The following KCTD3 variants were observed in gnomAD, a reference collection of about 807,000 sequenced individuals.
KCTD3 encodes the protein potassium channel tetramerization domain containing 3, also known as BTB/POZ domain-containing protein KCTD3.
KCTD3 carries 41 observed loss-of-function variants against 85.8 expected under a neutral mutation model. The observed-to-expected ratio is 0.48, with a 90% CI of 0.37 to 0.62. The LOEUF (loss-of-function observed/expected upper bound fraction) is 0.62. Ranked by LOEUF, KCTD3 falls within the 20% of genes least tolerant of loss-of-function variation. The pLI is 0.00. For synonymous variants in KCTD3, 338 were observed against 345.4 expected (o/e 0.98, Z 0.24); for missense variants, 724 against 989.9 (o/e 0.73, Z 3.60).
intron 10 of KCTD3, among the ~76,000 whole-genome samples, chr1:215,598,610 A>T (rs1174753548): frequency 6.6e-6 from 1 of 152,204 alleles, no homozygotes; most frequent in Non-Finnish European, 1.5e-5. Context: ...ATTGGAAATA[A>T]TGGAACAATT....
intron 9 of KCTD3, among the ~76,000 whole-genome samples, chr1:215,590,994 A>AG (rs1316365729): frequency 6.6e-6 from 1 of 152,316 alleles, no homozygotes; most frequent in East Asian, 1.9e-4. Flanking sequence ...GTACTTTGTT[A>AG]GGAGTAGGTA....
intron 9 of KCTD3, among the ~76,000 whole-genome samples, chr1:215,590,879 T>G (rs1238749815): frequency 6.6e-6 from 1 of 152,184 alleles, no homozygotes; most frequent in Non-Finnish European, 1.5e-5. Context: ...GTGTGATACA[T>G]TTTGTAGGGT....
rs1214819227 is a variant in KCTD3 at position 215,579,040 on chromosome 1, T to C, written c.438T>C (p.Ala146=). The part of the protein sequence containing the change: ...SRKINNTVRS[A]DSRNGLNSTE... The stretch of plus-strand genomic sequence containing the variant: ...AAATAAACAACACAGTCAGATCTGC[T>C]GATTCTAGGAATGGTCTAAATTCTA... Residue 146 remains alanine, a synonymous_variant, in exon 7 of 18, where the codon GCT becomes GCC. Transcript: ENST00000259154. 1.9e-6 allele frequency: 3 copies of C among 1,576,402 alleles called. No individual in the cohort carries two copies. Among genetic ancestry groups the C allele is most frequent in the East Asian group, 2.3e-5 (1 of 42,756 alleles).
At chr1:215,616,158 T>A (rs1655440603) in intron 15 of KCTD3, among the ~76,000 whole-genome samples, 1 of 152,192 alleles carries the variant, frequency 6.6e-6, no homozygotes. Flanking sequence ...AGAGAGAAAC[T>A]TTGCTTCTGA....
At chr1:215,604,843 A>G (rs1402109595) in intron 13 of KCTD3, among the ~76,000 whole-genome samples, 9 of 152,012 alleles carry the variant, frequency 5.9e-5, no homozygotes, top group Non-Finnish European at 1.3e-4. Flanking sequence ...CATCTCAAAA[A>G]TAATAAAAAT....
intron 1 of KCTD3, 129 bp downstream of exon 1, chr1:215,567,897 G>T (rs946694319): frequency 5.4e-6 from 3 of 554,314 alleles, no homozygotes; most frequent in Non-Finnish European, 8.1e-6. Flanking sequence ...GAACGTGGGG[G>T]CCTCCAGGCG....
intron 13 of KCTD3, among the ~76,000 whole-genome samples, chr1:215,607,747 CATT>C (rs1255562457): frequency 6.6e-6 from 1 of 151,984 alleles, no homozygotes; most frequent in Non-Finnish European, 1.5e-5. Flanking sequence ...CTTACACACA[CATT>C]ATTTTTAACC....
chr1:215,599,910 A>AT (rs1409758265), intron 10 of KCTD3, among the ~76,000 whole-genome samples: 1 of 151,632 alleles, frequency 6.6e-6, no homozygotes, highest in Non-Finnish European at 1.5e-5. Context: ...AAAAAAAAAA[A>AT]GAATGTATCC....
chr1:215,574,617 G>C (rs1403574537), intron 3 of KCTD3, among the ~76,000 whole-genome samples: 1 of 152,140 alleles, frequency 6.6e-6, no homozygotes, highest in East Asian at 1.9e-4. Flanking sequence ...GTGACCAATG[G>C]TATTTATTTG....
chr1:215,613,889 T>C (rs1282426354), intron 15 of KCTD3, among the ~76,000 whole-genome samples: 1 of 152,068 alleles, frequency 6.6e-6, no homozygotes, highest in Non-Finnish European at 1.5e-5. Context: ...CATGCTGTTT[T>C]GGTTATTGTA....
At chr1:215,580,919 A>G in intron 8 of KCTD3, 1 of 461,124 alleles carries the variant, frequency 2.2e-6, no homozygotes, top group Non-Finnish European at 4.5e-6. Context: ...CAGTAATCTC[A>G]GGTTTATATT....
chr1:215,598,043 G>T (rs1654674868), intron 10 of KCTD3, among the ~76,000 whole-genome samples: 1 of 151,854 alleles, frequency 6.6e-6, no homozygotes, highest in Admixed American at 6.6e-5. Context: ...TTGAAACAAT[G>T]TATATTGTTT....
Position 215,604,349 on chromosome 1 carries a change from A to C in KCTD3, c.1309+47A>C, listed in dbSNP as rs756705332. The C allele has an allele frequency of 5.3e-5, 77 of 1,440,854 alleles. 1 individual carries two copies. The highest frequency in any genetic ancestry group is 1.8e-4 in the Middle Eastern group (1 of 5,624). The allele number at this position is 1,440,854 out of a possible 1,614,324, so 89.3% of individuals were successfully genotyped here. ...GGTAAGGAACTTGGCTCTGTGTGTTATTTTCATTAAAAGAATGAAAACGCA... is the reference window on the plus strand; with the variant it reads ...GGTAAGGAACTTGGCTCTGTGTGTTCTTTTCATTAAAAGAATGAAAACGCA... On this transcript the variant is annotated intron_variant, in intron 13 of 17. Coordinates refer to ENST00000259154, the MANE Select transcript of KCTD3 (RefSeq NM_016121.5).
chr1:215,582,279 T>G (rs1334315820), intron 8 of KCTD3, among the ~76,000 whole-genome samples: 1 of 152,226 alleles, frequency 6.6e-6, no homozygotes, highest in African/African-American at 2.4e-5. Flanking sequence ...TGGATCTGTT[T>G]TTCAGTTCTC....
intron 9 of KCTD3, among the ~76,000 whole-genome samples, chr1:215,594,871 A>G (rs1489670243): frequency 6.6e-6 from 1 of 152,064 alleles, no homozygotes; most frequent in Non-Finnish European, 1.5e-5. Flanking sequence ...GCTTATTTCC[A>G]GAATTTAGAC....
chr1:215,570,848 T>C (rs888696823), intron 1 of KCTD3, among the ~76,000 whole-genome samples: 1 of 152,172 alleles, frequency 6.6e-6, no homozygotes, highest in African/African-American at 2.4e-5. Flanking sequence ...ACACTATGGG[T>C]ATGGGATAAA....
intron 9 of KCTD3, among the ~76,000 whole-genome samples, chr1:215,595,051 T>C (rs376305384): frequency 6.6e-6 from 1 of 152,144 alleles, no homozygotes; most frequent in South Asian, 2.1e-4. Context: ...TTGTTTTGTT[T>C]TGTTTATTTT....
chr1:215,575,001 C>G (rs953392075), intron 3 of KCTD3, among the ~76,000 whole-genome samples: 9 of 152,060 alleles, frequency 5.9e-5, no homozygotes, highest in African/African-American at 2.2e-4. Flanking sequence ...CCTGTAATTC[C>G]AGCACTTTAG....
At chr1:215,607,327 T>C (rs1655067067) in intron 13 of KCTD3, among the ~76,000 whole-genome samples, 1 of 151,950 alleles carries the variant, frequency 6.6e-6, no homozygotes, top group African/African-American at 2.4e-5. Flanking sequence ...TTTGCATTAG[T>C]GATACACTTT....
Sources: allele counts gnomAD v4.1 joint callset (sites outside exome capture counted in the v4.1 genomes callset), GRCh38; gene constraint gnomAD v4.1.1; transcripts MANE v1.5; gene names NCBI Gene and HGNC (gene_info 2026-07-23, HGNC 2026-07-21).